The following HNMT variants were observed in gnomAD, a reference collection of about 807,000 sequenced individuals.
HNMT encodes histamine N-methyltransferase.
HNMT carries 30 observed loss-of-function variants against 32.1 expected under a neutral mutation model. The ratio of observed to expected loss-of-function variants is 0.93; its 90% CI spans 0.70 to 1.27. The LOEUF is 1.27. Ranked by LOEUF, HNMT falls within the 50% of genes most tolerant of loss-of-function variation. The pLI, the probability that HNMT is intolerant of heterozygous loss-of-function variation, is 0.00. For synonymous variants in HNMT, 125 were observed against 119.0 expected, an observed-to-expected ratio of 1.05 and a Z score of -0.33; for missense variants, 327 against 346.0, an observed-to-expected ratio of 0.95 and a Z score of 0.43.
chr2:138,006,015 G>A (rs933770852), intron 5 of HNMT, among the ~76,000 whole-genome samples: 1 of 152,014 alleles, frequency 6.6e-6, no homozygotes, highest in Non-Finnish European at 1.5e-5. Flanking sequence ...TCTTAAATAT[G>A]AAGAATTGCT....
At chr2:137,989,515 G>A (rs1039878481) in intron 2 of HNMT, among the ~76,000 whole-genome samples, 1 of 152,138 alleles carries the variant, frequency 6.6e-6, no homozygotes, top group Admixed American at 6.5e-5. Flanking sequence ...ACACATCTTG[G>A]TTACTTCCAA....
At chr2:138,002,859 T>C (rs760992665) in intron 4 of HNMT, 14 of 744,122 alleles carry the variant, frequency 1.9e-5, no homozygotes, top group Non-Finnish European at 2.3e-5. Context: ...CCCAGAGTGT[T>C]TCTGTAGTGG....
chr2:138,006,044 G>T (rs1047141696), intron 5 of HNMT, among the ~76,000 whole-genome samples: 2 of 151,960 alleles, frequency 1.3e-5, no homozygotes, highest in Non-Finnish European at 1.5e-5. Flanking sequence ...GGCAAGCATG[G>T]TTATAGCTTG....
At chr2:138,004,680 T>A (rs1681279189) in intron 4 of HNMT, among the ~76,000 whole-genome samples, 1 of 152,116 alleles carries the variant, frequency 6.6e-6, no homozygotes, top group Admixed American at 6.6e-5. Flanking sequence ...TAAAAAAGCA[T>A]CTGTGAGCAT....
intron 2 of HNMT, among the ~76,000 whole-genome samples, chr2:137,985,060 C>G (rs1680611765): frequency 6.6e-6 from 1 of 152,050 alleles, no homozygotes; most frequent in Non-Finnish European, 1.5e-5. Flanking sequence ...TAGTAGCAAA[C>G]TAGGATTATA....
chr2:137,980,258 C>T lies in HNMT; in HGVS notation c.190+10041C>T, dbSNP rs577081239. On this transcript the variant is annotated intron_variant, in intron 2 of 5. Coordinates refer to ENST00000280097, the MANE Select transcript of HNMT (RefSeq NM_006895.3). ...TTCACTGTGTTAGCCAGGATGGTCTCGATCTCCTGACCTCATGATCCTCCC... is the reference window on the plus strand; with the variant it reads ...TTCACTGTGTTAGCCAGGATGGTCTTGATCTCCTGACCTCATGATCCTCCC... 7.5e-3 allele frequency among the ~76,000 whole-genome samples: 1,140 copies of T among 152,210 alleles called. 11 individuals are homozygous for T. Among genetic ancestry groups the T allele is most frequent in the Non-Finnish European group, 0.013 (879 of 68,006 alleles).
chr2:137,997,485 G>A (rs566760009), intron 2 of HNMT, among the ~76,000 whole-genome samples: 72 of 152,236 alleles, frequency 4.7e-4, no homozygotes, highest in African/African-American at 1.6e-3. Context: ...ACCATCTCAT[G>A]CCAGTCAGAA....
chr2:137,967,149 G>A lies in HNMT; in HGVS notation c.137+2521G>A, dbSNP rs369350308. On this transcript the variant is annotated intron_variant, in intron 1 of 5. Transcript: ENST00000280097. ...ATACTGGCCAGATGTGTTGGTTCACGCCTGTAATCCTAGCACTTCGGGAGG... is the reference window on the plus strand; with the variant it reads ...ATACTGGCCAGATGTGTTGGTTCACACCTGTAATCCTAGCACTTCGGGAGG... 1.3e-4 allele frequency: 100 copies of A among 776,504 alleles called. 1 individual carries two copies. Among genetic ancestry groups the A allele is most frequent in the Non-Finnish European group, 2.3e-4 (94 of 416,018 alleles). 48.1% of individuals were successfully genotyped at this position (776,504 alleles called of 1,614,324 possible). A position where few individuals can be genotyped will look rare whatever the true frequency, so the allele number is the denominator to read the frequency against.
chr2:138,002,880 G>A (rs182420861), intron 4 of HNMT: 12 of 524,396 alleles, frequency 2.3e-5, no homozygotes, highest in African/African-American at 2.1e-4. Flanking sequence ...ACATATGGTC[G>A]AAGGGGCAGG....
rs1681589896 is a variant in HNMT, at chr2:138,014,019, T to C, written c.768T>C (p.Pro256=). 1.2e-6 allele frequency: 2 copies of C among 1,613,654 alleles called. No individual in the cohort carries two copies. The highest frequency in any genetic ancestry group is 1.7e-5 in the Admixed American group (1 of 59,942). ...GCAACTTTAATGCCACAGCACCACC[T>C]GATCTCAGAGCAGAGCTTGGGAAAG... ...ETCNFNATAP[P]DLRAELGKDL... Residue 256 remains proline, a synonymous_variant, in exon 6 of 6, where the codon CCT becomes CCC. Transcript: ENST00000280097.
At chr2:137,965,170 G>A (rs62168713) in intron 1 of HNMT, among the ~76,000 whole-genome samples, 2 of 152,030 alleles carry the variant, frequency 1.3e-5, no homozygotes, top group African/African-American at 4.8e-5. Context: ...TATTAGCAAT[G>A]TGTTCCTTAA....
At chr2:138,009,907 C>G (rs1236843134) in intron 5 of HNMT, among the ~76,000 whole-genome samples, 1 of 151,948 alleles carries the variant, frequency 6.6e-6, no homozygotes, top group Non-Finnish European at 1.5e-5. Flanking sequence ...TTCTTTAAAC[C>G]CCATTTTTCA....
In HNMT at chr2:137,989,771, G is replaced by A. The variant is rs75454962; in HGVS notation, c.191-11147G>A. Reference sequence around the variant, plus strand: ...TTTCCCAGCATTTGTTGTCATTAGTGCTCTGGATTTTGGCCCTTCCAGGTG... The same window carrying A: ...TTTCCCAGCATTTGTTGTCATTAGTACTCTGGATTTTGGCCCTTCCAGGTG... On this transcript the variant is annotated intron_variant, in intron 2 of 5. Transcript: ENST00000280097. 2.7e-3 allele frequency among the ~76,000 whole-genome samples: 416 copies of A among 152,304 alleles called. 2 individuals are homozygous for A. Among genetic ancestry groups the A allele is most frequent in the African/African-American group, 9.8e-3 (408 of 41,572 alleles).
intron 1 of HNMT, 142 bp downstream of exon 1, chr2:137,964,770 C>G: frequency 1.3e-6 from 1 of 763,798 alleles, no homozygotes; most frequent in Non-Finnish European, 2.2e-6. Context: ...GTCCCCTCCT[C>G]GCTGCCCTGC....
chr2:137,993,144 G>A (rs1484854483), intron 2 of HNMT, among the ~76,000 whole-genome samples: 1 of 152,112 alleles, frequency 6.6e-6, no homozygotes, highest in Non-Finnish European at 1.5e-5. Flanking sequence ...AGTGCCTTTT[G>A]TCCTCCAAAT....
At chr2:137,972,003 A>T (rs996813242) in intron 2 of HNMT, among the ~76,000 whole-genome samples, 1 of 152,222 alleles carries the variant, frequency 6.6e-6, no homozygotes, top group Non-Finnish European at 1.5e-5. Flanking sequence ...TCTTAAGTAT[A>T]AGTGTTCTAG....
chr2:138,010,441 GCACACACACACACACACACACACA>G (rs56391028), intron 5 of HNMT, among the ~76,000 whole-genome samples: 2 of 125,702 alleles, frequency 1.6e-5, no homozygotes, highest in African/African-American at 5.6e-5. Flanking sequence ...AAAGACACAC[GCACACACACACACACACACACACA>G]CACACACACA....
chr2:137,971,630 G>C (rs965222344), intron 2 of HNMT, among the ~76,000 whole-genome samples: 4 of 152,152 alleles, frequency 2.6e-5, no homozygotes, highest in African/African-American at 9.7e-5. Context: ...TCAGTAAAAT[G>C]GGAACAATGA....
chr2:137,989,090 T>G (rs1680738305), intron 2 of HNMT, among the ~76,000 whole-genome samples: 1 of 152,176 alleles, frequency 6.6e-6, no homozygotes, highest in African/African-American at 2.4e-5. Context: ...ATATAATTAC[T>G]AGAAGCTCAT....
Sources: allele counts gnomAD v4.1 joint callset (sites outside exome capture counted in the v4.1 genomes callset), GRCh38; gene constraint gnomAD v4.1.1; transcripts MANE v1.5; gene names NCBI Gene and HGNC (gene_info 2026-07-23, HGNC 2026-07-21).